DOCK4: variants seen among roughly 807,000 people sequenced by gnomAD.
DOCK4 encodes dedicator of cytokinesis 4, also known as dedicator of cytokinesis protein 4.
A neutral mutation model predicts 268.1 loss-of-function variants in DOCK4; 97 were observed. That is an observed-to-expected ratio of 0.36 (90% confidence interval 0.31 to 0.43). The LOEUF (loss-of-function observed/expected upper bound fraction) is 0.43. Among genes scored for constraint, DOCK4 ranks in the 20% least tolerant of loss-of-function variants. The pLI is 1.00. For missense variants in DOCK4, 2,145 were observed against 2,455.7 expected (o/e 0.87, Z 2.67); for synonymous variants, 954 against 887.2 (o/e 1.08, Z -1.34).
chr7:112,044,726 C>A (rs1804679861), intron 1 of DOCK4, among the ~76,000 whole-genome samples: 2 of 152,118 alleles, frequency 1.3e-5, no homozygotes, highest in South Asian at 4.2e-4. Flanking sequence ...GTTGTTCAGG[C>A]CCCAAACCTT....
At chr7:112,008,078 T>C (rs935641932) in intron 1 of DOCK4, among the ~76,000 whole-genome samples, 6 of 152,172 alleles carry the variant, frequency 3.9e-5, no homozygotes, top group African/African-American at 1.4e-4. Context: ...AATTGAACAG[T>C]TTCTTATAAA....
chr7:111,758,233 T>A (rs896110381), intron 41 of DOCK4, among the ~76,000 whole-genome samples: 2 of 152,228 alleles, frequency 1.3e-5, no homozygotes, highest in African/African-American at 2.4e-5. Flanking sequence ...TCTTTATTCA[T>A]TGAACTTTAC....
intron 1 of DOCK4, among the ~76,000 whole-genome samples, chr7:112,183,784 T>A (rs1034909910): frequency 6.6e-6 from 1 of 152,330 alleles, no homozygotes; most frequent in East Asian, 1.9e-4. Flanking sequence ...AGTATTTCGA[T>A]AGTGGTAACA....
At chr7:112,074,009 T>C (rs1053606794) in intron 1 of DOCK4, among the ~76,000 whole-genome samples, 9 of 152,160 alleles carry the variant, frequency 5.9e-5, no homozygotes, top group African/African-American at 2.2e-4. Flanking sequence ...ATCCCATAAA[T>C]TTGTACAATG....
At chr7:112,091,269 G>C (rs912508171) in intron 1 of DOCK4, among the ~76,000 whole-genome samples, 1 of 152,060 alleles carries the variant, frequency 6.6e-6, no homozygotes, top group Non-Finnish European at 1.5e-5. Context: ...AAGAAAGAGA[G>C]GTAAAATGAG....
Position 112,112,076 on chromosome 7 carries a change from A to G in DOCK4, c.37+94026T>C, listed in dbSNP as rs184545837. On this transcript the variant is annotated intron_variant, in intron 1 of 52. Coordinates refer to ENST00000428084, the MANE Select transcript of DOCK4 (RefSeq NM_001363540.2). ...ACCCTCTCTTTGCCTTCCCCATGAG[A>G]GGTGATATGATTTGGATGTGTGTCC... Among the ~76,000 whole-genome samples, 165 of 152,090 alleles carry G rather than the reference A, an allele frequency of 1.1e-3. 2 individuals are homozygous for G. The highest frequency in any genetic ancestry group is 3.0e-3 in the Admixed American group (46 of 15,274).
chr7:111,987,506 T>C (rs916884635), intron 6 of DOCK4, among the ~76,000 whole-genome samples: 2 of 152,138 alleles, frequency 1.3e-5, no homozygotes, highest in Non-Finnish European at 2.9e-5. Context: ...AAATAAATAT[T>C]AGGCAGCATA....
chr7:112,175,653 AAC>A (rs1431383561), intron 1 of DOCK4, among the ~76,000 whole-genome samples: 1 of 152,200 alleles, frequency 6.6e-6, no homozygotes, highest in African/African-American at 2.4e-5. Flanking sequence ...ACAATTGATA[AAC>A]ACATAAGTAT....
intron 1 of DOCK4, among the ~76,000 whole-genome samples, chr7:112,048,157 C>G (rs1804990840): frequency 6.6e-6 from 1 of 151,892 alleles, no homozygotes; most frequent in African/African-American, 2.4e-5. Context: ...ATCTACAGAT[C>G]CAAGAAGCTT....
At chr7:111,742,880 T>C (rs1796015641) in intron 44 of DOCK4, among the ~76,000 whole-genome samples, 1 of 151,844 alleles carries the variant, frequency 6.6e-6, no homozygotes, top group Non-Finnish European at 1.5e-5. Flanking sequence ...TAGTTCCAAC[T>C]ACTCGAGTGG....
chr7:112,177,297 T>C (rs1243420793), intron 1 of DOCK4, among the ~76,000 whole-genome samples: 1 of 152,214 alleles, frequency 6.6e-6, no homozygotes, highest in Admixed American at 6.5e-5. Context: ...AAATCTTAGA[T>C]AGCTCTTCCG....
At chr7:111,900,559 G>A in intron 14 of DOCK4, 23 bp from the exon 15 acceptor site, 1 of 1,596,598 alleles carries the variant, frequency 6.3e-7, no homozygotes, top group South Asian at 1.1e-5. Flanking sequence ...AGAACACACA[G>A]GTTAAAGAGA....
chr7:111,823,331 C>A (rs992806938), intron 26 of DOCK4, among the ~76,000 whole-genome samples: 1 of 151,470 alleles, frequency 6.6e-6, no homozygotes, highest in African/African-American at 2.4e-5. Flanking sequence ...CTCAGCCTCC[C>A]GAGTAGCTGA....
intron 1 of DOCK4, among the ~76,000 whole-genome samples, chr7:112,076,196 G>GT (rs1554436820): frequency 6.6e-6 from 1 of 151,910 alleles, no homozygotes; most frequent in Non-Finnish European, 1.5e-5. Flanking sequence ...AGTATGTTTT[G>GT]TTTTTTTACT....
chr7:112,003,341 T>C lies in DOCK4; in HGVS notation c.121+707A>G, dbSNP rs149687220. 9.6e-3 allele frequency among the ~76,000 whole-genome samples: 1,462 copies of C among 152,222 alleles called. 8 individuals carry two copies. The highest frequency in any genetic ancestry group is 0.04 in the South Asian group (193 of 4,814). Reference sequence around the variant, plus strand: ...AGATCGAGGCTGCAGTGAGCCATGATCATGCCACTGCACTCCTACCTGGGT... The same window carrying C: ...AGATCGAGGCTGCAGTGAGCCATGACCATGCCACTGCACTCCTACCTGGGT... On this transcript the variant is annotated intron_variant, in intron 2 of 52. Transcript: ENST00000428084.
At chr7:111,836,909 C>CAT (rs752118926) in intron 25 of DOCK4, among the ~76,000 whole-genome samples, 163 of 151,862 alleles carry the variant, frequency 1.1e-3, no homozygotes, top group Non-Finnish European at 1.6e-3. Flanking sequence ...CTTCAAGTAG[C>CAT]AGAATATCTA....
intron 39 of DOCK4, among the ~76,000 whole-genome samples, chr7:111,761,044 G>A (rs1045829928): frequency 6.6e-6 from 1 of 151,052 alleles, no homozygotes; most frequent in African/African-American, 2.5e-5. Flanking sequence ...TTATAATTGG[G>A]GAACCAGGGC....
At chr7:111,928,338 A>G (rs932785101) in intron 12 of DOCK4, among the ~76,000 whole-genome samples, 1 of 152,204 alleles carries the variant, frequency 6.6e-6, no homozygotes, top group Non-Finnish European at 1.5e-5. Flanking sequence ...GCTAGTGATT[A>G]TATCTAAATT....
intron 7 of DOCK4, among the ~76,000 whole-genome samples, chr7:111,979,004 G>T (rs1310441465): frequency 2.6e-5 from 4 of 152,158 alleles, no homozygotes; most frequent in African/African-American, 9.7e-5. Context: ...TAAAAAAATA[G>T]TTCAGGGATT....
Sources: allele counts gnomAD v4.1 joint callset (sites outside exome capture counted in the v4.1 genomes callset), GRCh38; gene constraint gnomAD v4.1.1; transcripts MANE v1.5; gene names NCBI Gene and HGNC (gene_info 2026-07-23, HGNC 2026-07-21).